Variants in ALPK2 observed in about 807,000 individuals in gnomAD.
ALPK2 encodes alpha kinase 2.
ALPK2 carries 127 observed loss-of-function variants against 163.1 expected under a neutral mutation model. That is an observed-to-expected ratio of 0.78 (90% confidence interval 0.67 to 0.90). ALPK2 has a LOEUF of 0.90. ALPK2 is among the 40% of genes least tolerant of loss of function. The probability of loss-of-function intolerance (pLI) is 0.00; values close to 1 mark genes in which losing one functional copy is unlikely to be tolerated. For synonymous variants in ALPK2, 953 were observed against 959.1 expected, an observed-to-expected ratio of 0.99 and a Z score of 0.12; for missense variants, 2,360 against 2,589.6, an observed-to-expected ratio of 0.91 and a Z score of 1.92.
At chr18:58,489,118 C>T (rs749023065) in intron 12 of ALPK2, among the ~76,000 whole-genome samples, 9 of 152,088 alleles carry the variant, frequency 5.9e-5, no homozygotes, top group Non-Finnish European at 8.8e-5. Context: ...TTCACACTGC[C>T]GAGCAGATTC....
chr18:58,551,790 T>A (rs991826710), intron 4 of ALPK2, among the ~76,000 whole-genome samples: 2 of 152,012 alleles, frequency 1.3e-5, no homozygotes, highest in African/African-American at 2.4e-5. Flanking sequence ...GTCCAGAGAG[T>A]GGAATTCAGT....
In ALPK2 at chr18:58,537,606, C is replaced by G. The variant is rs371849715; in HGVS notation, c.2581G>C (p.Glu861Gln). Residue 861 changes from glutamate (E) to glutamine (Q), a missense_variant, in exon 5 of 13, where the codon GAA becomes CAA. By Grantham distance (29) the Glu-to-Gln change is conservative (BLOSUM62 2). Transcript: ENST00000361673. ...DLCSSNDKTL[E>Q]VFFQTQVSET... Reference sequence around the variant, plus strand: ...GACACTTGTGTCTGAAAAAAGACTTCCAGTGTCTTGTCATTAGAAGAACAT... The same window carrying G: ...GACACTTGTGTCTGAAAAAAGACTTGCAGTGTCTTGTCATTAGAAGAACAT... 3.1e-6 allele frequency: 5 copies of G among 1,613,562 alleles called. No homozygotes were observed. In the African/African-American group the frequency reaches 5.3e-5, roughly 17 times the overall value.
chr18:58,620,795 G>C (rs1039239451), intron 1 of ALPK2, among the ~76,000 whole-genome samples: 2 of 152,194 alleles, frequency 1.3e-5, no homozygotes, highest in Admixed American at 1.3e-4. Flanking sequence ...CCATCAATAG[G>C]AATGTGGTTA....
intron 3 of ALPK2, among the ~76,000 whole-genome samples, chr18:58,588,259 G>A (rs1243418902): frequency 6.6e-6 from 1 of 152,114 alleles, no homozygotes; most frequent in East Asian, 1.9e-4. Context: ...TTTAACTGTG[G>A]CTGTATGGAA....
intron 10 of ALPK2, among the ~76,000 whole-genome samples, chr18:58,507,831 G>A (rs1219087237): frequency 2.0e-5 from 3 of 152,136 alleles, no homozygotes; most frequent in Non-Finnish European, 4.4e-5. Context: ...AACACAGATG[G>A]TAACAGCCCC....
intron 4 of ALPK2, among the ~76,000 whole-genome samples, chr18:58,557,935 C>T (rs781354096): frequency 2.0e-5 from 3 of 152,020 alleles, no homozygotes; most frequent in African/African-American, 4.8e-5. Flanking sequence ...GATGACAAAA[C>T]GAGATCCCGT....
At chr18:58,593,947 CA>C (rs11366867) in intron 3 of ALPK2, among the ~76,000 whole-genome samples, 84,902 of 127,068 alleles carry the variant, frequency 0.67, 27,026 homozygotes, top group East Asian at 0.96. Flanking sequence ...TTCCCCCAAC[CA>C]AAAAAAAAAA....
intron 10 of ALPK2, chr18:58,511,689 T>C (rs937636313): frequency 6.6e-6 from 1 of 152,206 alleles, no homozygotes; most frequent in African/African-American, 2.4e-5. Flanking sequence ...CTATAAAATA[T>C]TACACTTCAA....
chr18:58,501,953 A>C (rs2144110774), intron 11 of ALPK2, among the ~76,000 whole-genome samples: 1 of 152,328 alleles, frequency 6.6e-6, no homozygotes, highest in Admixed American at 6.5e-5. Context: ...CTGGTGAAGC[A>C]TACGTGGGAA....
At chr18:58,559,855 A>G (rs973407200) in intron 4 of ALPK2, among the ~76,000 whole-genome samples, 1 of 152,236 alleles carries the variant, frequency 6.6e-6, no homozygotes, top group African/African-American at 2.4e-5. Context: ...CTTGCCTTCA[A>G]GCATGTTATT....
At chr18:58,574,240 C>A (rs531783375) in intron 4 of ALPK2, among the ~76,000 whole-genome samples, 1 of 150,576 alleles carries the variant, frequency 6.6e-6, no homozygotes, top group East Asian at 1.9e-4. Flanking sequence ...GTCAGGAGTT[C>A]GAGACCAGCC....
intron 11 of ALPK2, among the ~76,000 whole-genome samples, chr18:58,499,752 G>A (rs1007723010): frequency 1.3e-5 from 2 of 152,266 alleles, no homozygotes; most frequent in African/African-American, 4.8e-5. Flanking sequence ...CATGGGCCGG[G>A]CTGTGAGCAC....
chr18:58,596,865 G>C (rs2052043778), intron 3 of ALPK2, among the ~76,000 whole-genome samples: 1 of 152,164 alleles, frequency 6.6e-6, no homozygotes, highest in Non-Finnish European at 1.5e-5. Context: ...TTGTTACCCA[G>C]ACTGGAGTGC....
At chr18:58,586,251 C>G (rs1019540665) in intron 3 of ALPK2, among the ~76,000 whole-genome samples, 23 of 152,070 alleles carry the variant, frequency 1.5e-4, no homozygotes, top group African/African-American at 5.3e-4. Flanking sequence ...TATCAGAGAA[C>G]AGTGTAAATC....
intron 3 of ALPK2, among the ~76,000 whole-genome samples, chr18:58,597,937 G>T (rs1415112283): frequency 6.6e-6 from 1 of 152,236 alleles, no homozygotes; most frequent in Non-Finnish European, 1.5e-5. Flanking sequence ...AACATAGTGA[G>T]AAGGCAGCTT....
intron 3 of ALPK2, among the ~76,000 whole-genome samples, chr18:58,593,782 G>T (rs1460831552): frequency 6.6e-6 from 1 of 151,934 alleles, no homozygotes. Context: ...GGAGGCTGAG[G>T]CATGAGAATT....
At chr18:58,623,493 G>A (rs2052213088) in intron 1 of ALPK2, among the ~76,000 whole-genome samples, 1 of 151,702 alleles carries the variant, frequency 6.6e-6, no homozygotes, top group Non-Finnish European at 1.5e-5. Flanking sequence ...TTGAGATAGG[G>A]TCTCCCTCTT....
At chr18:58,504,200 G>A (rs564146485) in intron 10 of ALPK2, 52 bp from the exon 11 acceptor site, 480 of 1,450,350 alleles carry the variant, frequency 3.3e-4, no homozygotes, top group Non-Finnish European at 4.4e-4. Flanking sequence ...TGGGAAGAGA[G>A]GCTCCTGCGG....
rs1257131926 is a variant in ALPK2, at chr18:58,535,465, C to G, written c.4722G>C (p.Glu1574Asp). ...IHDVPENDIV[E>D]PRKRQYVFPV... ...GAAACACATACTGACGCTTTCTGGG[C>G]TCAACTATGTCATTTTCAGGGACGT... is the stretch of plus-strand genomic sequence containing the variant. Residue 1574 changes from glutamate to aspartate, a missense_variant, in exon 5 of 13, where the codon GAG becomes GAC. Glu to Asp is a conservative substitution (Grantham distance 45). Transcript: ENST00000361673. The G allele has an allele frequency of 1.9e-6, 3 of 1,614,198 alleles. No individual in the cohort carries two copies. Among genetic ancestry groups the G allele is most frequent in the Non-Finnish European group, 2.5e-6 (3 of 1,180,036 alleles).
Sources: allele counts gnomAD v4.1 joint callset (sites outside exome capture counted in the v4.1 genomes callset), GRCh38; gene constraint gnomAD v4.1.1; transcripts MANE v1.5; gene names NCBI Gene and HGNC (gene_info 2026-07-23, HGNC 2026-07-21).